Variants in OPTN observed in about 807,000 individuals in gnomAD.
The protein encoded by OPTN is optineurin.
A neutral mutation model predicts 70.4 loss-of-function variants in OPTN; 54 were observed. The observed-to-expected ratio is 0.77, with a 90% CI of 0.62 to 0.96. OPTN has a LOEUF of 0.96. OPTN is among the 40% of genes least tolerant of loss of function. The pLI is 0.00. For missense variants in OPTN, 624 were observed against 673.2 expected, an observed-to-expected ratio of 0.93 and a Z score of 0.81; for synonymous variants, 256 against 248.5, an observed-to-expected ratio of 1.03 and a Z score of -0.28.
At position 13,119,055 on chromosome 10, in the gene OPTN, A is replaced by G; in HGVS notation, c.779+15A>G. 1.2e-6 allele frequency: 2 copies of G among 1,612,428 alleles called. No individual in the cohort carries two copies. The highest frequency in any genetic ancestry group is 1.7e-6 in the Non-Finnish European group (2 of 1,178,606). On this transcript the variant is annotated intron_variant, in intron 7 of 14. Transcript: ENST00000378747. ...GCCAAAGAAAGGTATGAAATAGGTTAACTTGAAATATGTGTTTTTTTAAAA... is the reference window on the plus strand; with the variant it reads ...GCCAAAGAAAGGTATGAAATAGGTTGACTTGAAATATGTGTTTTTTTAAAA...
intron 7 of OPTN, among the ~76,000 whole-genome samples, chr10:13,119,425 T>C (rs1264860957): frequency 6.6e-6 from 1 of 152,240 alleles, no homozygotes; most frequent in Non-Finnish European, 1.5e-5. Flanking sequence ...ATTGTCTATA[T>C]ATACAACATT....
In OPTN at chr10:13,137,006, A is replaced by C; in HGVS notation, c.*140A>C. 9.1e-7 allele frequency: 1 copy of C among 1,101,736 alleles called. No individual in the cohort carries two copies. The highest frequency in any genetic ancestry group is 1.5e-5 in the African/African-American group (1 of 64,932). 68.2% of individuals were successfully genotyped at this position (1,101,736 alleles called of 1,614,324 possible). On this transcript the variant is annotated 3_prime_UTR_variant, in exon 15 of 15. Coordinates refer to ENST00000378747, the MANE Select transcript of OPTN (RefSeq NM_001008212.2). ...TTAAAAGAAAGAAAACAGGCCGGGC[A>C]CAGTGGCTCATGCCTGTAATCCCAG...
chr10:13,124,959 A>G (rs1273981769), intron 9 of OPTN, among the ~76,000 whole-genome samples: 1 of 152,198 alleles, frequency 6.6e-6, no homozygotes, highest in Non-Finnish European at 1.5e-5. Flanking sequence ...TTATATTGAA[A>G]TCCTCTTTCC....
intron 14 of OPTN, among the ~76,000 whole-genome samples, chr10:13,135,256 C>T (rs1384854761): frequency 6.6e-6 from 1 of 152,152 alleles, no homozygotes; most frequent in African/African-American, 2.4e-5. Flanking sequence ...TAATTTCTTG[C>T]ATCCATCACA....
rs1382719445 is a variant in OPTN, at chr10:13,117,120, G to A, written c.626+780G>A. The stretch of plus-strand genomic sequence containing the variant: ...TTTTGAGACGGAATCTTGTTCTGTT[G>A]CCCAGGCTGGAGTGCAGTGGCGTGA... On this transcript the variant is annotated intron_variant, in intron 6 of 14. Transcript: ENST00000378747. Among the ~76,000 whole-genome samples, 4 of 98,156 alleles carry A rather than the reference G, an allele frequency of 4.1e-5. No individual in the cohort carries two copies. The East Asian group carries it at 1.1e-3, about 26-fold the overall frequency. The allele number at this position is 98,156 out of a possible 152,430, so 64.4% of individuals were successfully genotyped here. A position where few individuals can be genotyped will look rare whatever the true frequency, so the allele number is the denominator to read the frequency against.
At position 13,127,861 on chromosome 10, in the gene OPTN, G is replaced by A; in HGVS notation, c.1359G>A (p.Lys453=). The A allele has an allele frequency of 6.2e-7, 1 of 1,614,144 alleles. No homozygotes were observed. The highest frequency in any genetic ancestry group is 8.5e-7 in the Non-Finnish European group (1 of 1,180,034). ...QMDEMKQTIA[K]QEEDLETMTI... is the part of the protein sequence containing the mutation. ...ATGAAATGAAGCAAACCATTGCCAA[G>A]CAGGAAGAGGACCTGGAAACCATGA... Residue 453 remains lysine (K), a synonymous_variant, in exon 12 of 15, where the codon AAG becomes AAA. Transcript: ENST00000378747.
At chr10:13,109,029 A>G (rs1018136152) in intron 2 of OPTN, 83 bp from the exon 3 acceptor site, 11 of 1,255,888 alleles carry the variant, frequency 8.8e-6, no homozygotes, top group Non-Finnish European at 1.3e-5. Flanking sequence ...AGTATTAGCA[A>G]TCGCCAATGG....
Position 13,124,007 on chromosome 10 carries a change from GT to G in OPTN, c.896del (p.Val299GlyfsTer4). 1 of 1,613,354 alleles carries G rather than the reference GT, an allele frequency of 6.2e-7. No individual in the cohort carries two copies. The highest frequency in any genetic ancestry group is 8.5e-7 in the Non-Finnish European group (1 of 1,179,348). ...TCCCGTATGATAGGTTGGAAGCGAA[GT>G]GGAAGCACTGAACCTCCAGGTGACA... Reference protein sequence around the residue: ...EKGPETVGSEVEALNLQVTSL... With the variant: ...EKGPETVGSEXEALNLQVTSL... On this transcript the variant is annotated frameshift_variant, in exon 9 of 15. Transcript: ENST00000378747. LOFTEE classifies it high-confidence loss of function.
intron 1 of OPTN, chr10:13,104,591 A>C: frequency 1.5e-6 from 1 of 658,882 alleles, no homozygotes; most frequent in East Asian, 3.4e-5. Flanking sequence ...CAAGGCTTCT[A>C]ACATGAGGAT....
intron 10 of OPTN, 75 bp downstream of exon 10, chr10:13,125,642 G>T: frequency 6.4e-7 from 1 of 1,564,284 alleles, no homozygotes; most frequent in South Asian, 1.1e-5. Context: ...ATTGGAATTC[G>T]GATTTGAGAA....
intron 1 of OPTN, among the ~76,000 whole-genome samples, chr10:13,102,946 T>A (rs1200445383): frequency 3.0e-5 from 2 of 66,668 alleles, no homozygotes; most frequent in Non-Finnish European, 1.1e-4. Context: ...GAGTCTTAAT[T>A]TAAAAAAAAA....
rs1002479405 is a variant in OPTN, at chr10:13,128,958, T to A, written c.1401+1055T>A. On this transcript the variant is annotated intron_variant, in intron 12 of 14. Coordinates refer to ENST00000378747, the MANE Select transcript of OPTN (RefSeq NM_001008212.2). Reference sequence around the variant, plus strand: ...TCATTTGAGGAACAAAAGTTCTTAGTTTTAAGGTAGTCCAGTATATCAGCC... The same window carrying A: ...TCATTTGAGGAACAAAAGTTCTTAGATTTAAGGTAGTCCAGTATATCAGCC... 2.6e-5 allele frequency among the ~76,000 whole-genome samples: 4 copies of A among 152,146 alleles called. No homozygotes were observed. In the East Asian group the frequency reaches 7.7e-4, roughly 29 times the overall value.
chr10:13,136,684 A>G, intron 14 of OPTN, 61 bp from the exon 15 acceptor site: 7 of 1,606,832 alleles, frequency 4.4e-6, no homozygotes, highest in Non-Finnish European at 6.0e-6. Context: ...CTGTTCTTCA[A>G]GTGAAACAAA....
intron 7 of OPTN, among the ~76,000 whole-genome samples, chr10:13,121,446 G>A (rs1833347480): frequency 7.5e-6 from 1 of 133,618 alleles, no homozygotes; most frequent in African/African-American, 3.0e-5. Flanking sequence ...TAGTCTTGCT[G>A]CTTCTTTTCC....
At chr10:13,125,893 A>C (rs1588447971) in intron 10 of OPTN, 53 bp from the exon 11 acceptor site, 2 of 1,330,156 alleles carry the variant, frequency 1.5e-6, no homozygotes, top group East Asian at 4.6e-5. Flanking sequence ...CAAGACTATA[A>C]GTTTCTATGA....
intron 3 of OPTN, chr10:13,109,746 G>A (rs1351783021): frequency 6.1e-6 from 1 of 165,174 alleles, no homozygotes; most frequent in Non-Finnish European, 1.3e-5. Context: ...GAGGTTGGAG[G>A]ATTGCTTGAG....
chr10:13,119,375 C>A (rs1284156968), intron 7 of OPTN, among the ~76,000 whole-genome samples: 1 of 152,204 alleles, frequency 6.6e-6, no homozygotes, highest in East Asian at 1.9e-4. Flanking sequence ...TACAACGTAG[C>A]ATGTATCAGT....
In OPTN at chr10:13,132,130, A is replaced by G. The variant is rs1363384405; in HGVS notation, c.1465A>G (p.Lys489Glu). ...RAAREKIHEE[K>E]EQLALQLAVL... Reference sequence around the variant, plus strand: ...AGCGAGAGAGAAAATTCATGAGGAAAAGGAGCAACTGGCATTGCAGCTGGC... The same window carrying G: ...AGCGAGAGAGAAAATTCATGAGGAAGAGGAGCAACTGGCATTGCAGCTGGC... The change falls in exon 13 of 15, where the codon AAG becomes GAG. Residue 489 changes from lysine (K) to glutamate (E), a missense_variant. Physicochemically the swap from Lys to Glu is moderately conservative, Grantham distance 56 (BLOSUM62 1). Coordinates refer to ENST00000378747, the MANE Select transcript of OPTN (RefSeq NM_001008212.2). 6.8e-6 allele frequency: 11 copies of G among 1,613,676 alleles called. No homozygotes were observed. In the South Asian group the frequency reaches 1.2e-4, roughly 18 times the overall value.
At chr10:13,122,595 C>T (rs937113925) in intron 8 of OPTN, 108 bp downstream of exon 8, 29 of 783,152 alleles carry the variant, frequency 3.7e-5, no homozygotes, top group Admixed American at 9.7e-5. Flanking sequence ...ATATAGAAAT[C>T]ATGTTGATAT....
Sources: allele counts gnomAD v4.1 joint callset (sites outside exome capture counted in the v4.1 genomes callset), GRCh38; gene constraint gnomAD v4.1.1; transcripts MANE v1.5; gene names NCBI Gene and HGNC (gene_info 2026-07-23, HGNC 2026-07-21).